The following PTPRG variants were observed in gnomAD, a reference collection of about 807,000 sequenced individuals.
The protein encoded by PTPRG is protein tyrosine phosphatase receptor type G.
Under a neutral mutation model 165.3 loss-of-function variants are expected in PTPRG, and 102 were observed. The ratio of observed to expected loss-of-function variants is 0.62; its 90% CI spans 0.53 to 0.73. The LOEUF (loss-of-function observed/expected upper bound fraction) is 0.73, where lower values mean the gene tolerates loss of function less well. PTPRG is among the 30% of genes least tolerant of loss of function. The pLI is 0.00. For synonymous variants in PTPRG, 675 were observed against 669.5 expected (o/e 1.01, Z -0.13); for missense variants, 1,866 against 1,861.4 (o/e 1.00, Z -0.05).
intron 2 of PTPRG, among the ~76,000 whole-genome samples, chr3:61,900,079 C>T (rs907204965): frequency 6.6e-6 from 1 of 151,690 alleles, no homozygotes; most frequent in Non-Finnish European, 1.5e-5. Context: ...CACAAATAGT[C>T]TTGTTGAGTG....
At chr3:62,164,584 G>A (rs1421082273) in intron 7 of PTPRG, among the ~76,000 whole-genome samples, 2 of 152,112 alleles carry the variant, frequency 1.3e-5, no homozygotes, top group Admixed American at 6.5e-5. Context: ...TATCATTCAG[G>A]TCATCAGTTC....
At chr3:62,053,455 C>T (rs772839006) in intron 4 of PTPRG, among the ~76,000 whole-genome samples, 6 of 151,864 alleles carry the variant, frequency 4.0e-5, no homozygotes, top group African/African-American at 1.2e-4. Flanking sequence ...TTAGTAGAGA[C>T]GGGGTTTCTC....
At chr3:62,057,569 A>C (rs1700673968) in intron 4 of PTPRG, among the ~76,000 whole-genome samples, 2 of 152,314 alleles carry the variant, frequency 1.3e-5, no homozygotes, top group South Asian at 4.1e-4. Flanking sequence ...CAGCTCAAAA[A>C]ACTGAAAAAT....
At position 61,880,581 on chromosome 3, in the gene PTPRG, G is replaced by A. The variant is rs112373465; in HGVS notation, c.191-109044G>A. 3.8e-3 allele frequency among the ~76,000 whole-genome samples: 528 copies of A among 137,638 alleles called. 1 individual carries two copies. The highest frequency in any genetic ancestry group is 0.014 in the African/African-American group (510 of 35,784). 90.3% of individuals were successfully genotyped at this position (137,638 alleles called of 152,430 possible). A position where few individuals can be genotyped will look rare whatever the true frequency, so the allele number is the denominator to read the frequency against. On this transcript the variant is annotated intron_variant, in intron 2 of 29. Coordinates refer to ENST00000474889, the MANE Select transcript of PTPRG (RefSeq NM_002841.4). ...CGAAGCTGCAGTCAGCTGTGTTTGC[G>A]CCACTGCACCTCAGCTTGGGTGACA... is the stretch of plus-strand genomic sequence containing the variant.
intron 1 of PTPRG, among the ~76,000 whole-genome samples, chr3:61,580,481 A>G (rs1700264435): frequency 6.6e-6 from 1 of 151,248 alleles, no homozygotes; most frequent in South Asian, 2.1e-4. Context: ...CCCAGGTTCA[A>G]GAGATTCTCC....
chr3:61,968,672 C>T (rs1224984395), intron 2 of PTPRG, among the ~76,000 whole-genome samples: 2 of 152,120 alleles, frequency 1.3e-5, no homozygotes, highest in African/African-American at 4.8e-5. Flanking sequence ...AATTAAGGTG[C>T]TACCATTTGG....
intron 15 of PTPRG, among the ~76,000 whole-genome samples, chr3:62,246,084 T>C (rs572896086): frequency 6.6e-6 from 1 of 152,302 alleles, no homozygotes; most frequent in Non-Finnish European, 1.5e-5. Flanking sequence ...AATATGTTTC[T>C]CCTAATTCAT....
chr3:61,651,959 G>A (rs888251538), intron 1 of PTPRG, among the ~76,000 whole-genome samples: 1 of 152,036 alleles, frequency 6.6e-6, no homozygotes, highest in African/African-American at 2.4e-5. Context: ...GTAGTGAGTA[G>A]AGATCACACC....
At chr3:61,835,739 T>C (rs1323376585) in intron 2 of PTPRG, among the ~76,000 whole-genome samples, 1 of 151,898 alleles carries the variant, frequency 6.6e-6, no homozygotes, top group Non-Finnish European at 1.5e-5. Flanking sequence ...TGGGCATATG[T>C]TAAAATATAC....
At chr3:61,876,619 C>A (rs1030686351) in intron 2 of PTPRG, among the ~76,000 whole-genome samples, 1 of 152,124 alleles carries the variant, frequency 6.6e-6, no homozygotes, top group East Asian at 1.9e-4. Flanking sequence ...TAAACAATTT[C>A]TTTTCCGGGC....
At chr3:62,216,363 A>G (rs1016855006) in intron 12 of PTPRG, among the ~76,000 whole-genome samples, 1 of 152,202 alleles carries the variant, frequency 6.6e-6, no homozygotes, top group African/African-American at 2.4e-5. Context: ...TCTTTGTAGC[A>G]GCACAGGCAA....
chr3:62,065,375 A>C (rs548378280), intron 4 of PTPRG, among the ~76,000 whole-genome samples: 35 of 152,328 alleles, frequency 2.3e-4, no homozygotes, highest in Non-Finnish European at 4.3e-4. Flanking sequence ...GTCTTTCAGC[A>C]CATGGTTGTA....
At chr3:62,060,807 C>A (rs1346189566) in intron 4 of PTPRG, among the ~76,000 whole-genome samples, 1 of 152,080 alleles carries the variant, frequency 6.6e-6, no homozygotes, top group Non-Finnish European at 1.5e-5. Context: ...AGTTAAATAT[C>A]TTATAGATTG....
intron 1 of PTPRG, among the ~76,000 whole-genome samples, chr3:61,684,814 A>C (rs1703568488): frequency 6.6e-6 from 1 of 152,196 alleles, no homozygotes; most frequent in Non-Finnish European, 1.5e-5. Context: ...TTGACTGGGA[A>C]AGGCTTCCTG....
intron 1 of PTPRG, among the ~76,000 whole-genome samples, chr3:61,621,180 C>T (rs1350856938): frequency 6.6e-6 from 1 of 151,542 alleles, no homozygotes; most frequent in Non-Finnish European, 1.5e-5. Context: ...ATATAGAAGG[C>T]TAAATATTGT....
chr3:61,975,911 C>T (rs577017516), intron 2 of PTPRG, among the ~76,000 whole-genome samples: 1 of 152,144 alleles, frequency 6.6e-6, no homozygotes. Flanking sequence ...TATATATTCT[C>T]CTTGTATACC....
At chr3:62,010,966 A>T (rs193016131) in intron 4 of PTPRG, among the ~76,000 whole-genome samples, 1 of 152,218 alleles carries the variant, frequency 6.6e-6, no homozygotes, top group Non-Finnish European at 1.5e-5. Context: ...GAGTGAGTGC[A>T]GTAGAATTTA....
chr3:61,587,413 CTT>C (rs949572750), intron 1 of PTPRG, among the ~76,000 whole-genome samples: 1 of 149,964 alleles, frequency 6.7e-6, no homozygotes, highest in African/African-American at 2.4e-5. Context: ...CAAACACACA[CTT>C]TTTTTTTTCT....
At chr3:62,007,770 T>C (rs889716324) in intron 4 of PTPRG, among the ~76,000 whole-genome samples, 3 of 152,218 alleles carry the variant, frequency 2.0e-5, no homozygotes, top group Non-Finnish European at 2.9e-5. Context: ...CATGGATACT[T>C]ATTAGACGGA....
Sources: gnomAD v4.1 joint callset for allele counts (sites outside exome capture counted in the v4.1 genomes callset) on GRCh38, gnomAD v4.1.1 for gene constraint, MANE v1.5 for transcripts, NCBI Gene and HGNC (gene_info 2026-07-23, HGNC 2026-07-21) for gene names.